The following CCDC6 variants were observed in gnomAD, a reference collection of about 807,000 sequenced individuals.
CCDC6 encodes coiled-coil domain containing 6.
A neutral mutation model predicts 56.6 loss-of-function variants in CCDC6; 20 were observed. The observed-to-expected ratio is 0.35, with a 90% CI of 0.25 to 0.51. CCDC6 has a LOEUF of 0.51. Among genes scored for constraint, CCDC6 ranks in the 20% least tolerant of loss-of-function variants. The probability of loss-of-function intolerance (pLI) is 0.95; values close to 1 mark genes in which losing one functional copy is unlikely to be tolerated. For synonymous variants in CCDC6, 241 were observed against 234.4 expected, an observed-to-expected ratio of 1.03 and a Z score of -0.26; for missense variants, 367 against 601.1, an observed-to-expected ratio of 0.61 and a Z score of 4.07.
chr10:59,820,970 G>A (rs1400219469), intron 3 of CCDC6, among the ~76,000 whole-genome samples: 1 of 151,190 alleles, frequency 6.6e-6, no homozygotes, highest in African/African-American at 2.4e-5. Flanking sequence ...CTAATGCTAT[G>A]TCTAAAGGCC....
Position 59,802,181 on chromosome 10 carries a change from A to G in CCDC6, c.1105+2239T>C, listed in dbSNP as rs138731639. ...TATATAATTCATAAAAGCAGTCCAA[A>G]TATAATAAAGATGATGCTCTTTCTT... On this transcript the variant is annotated intron_variant, in intron 7 of 8. Coordinates refer to ENST00000263102, the MANE Select transcript of CCDC6 (RefSeq NM_005436.5). 3.9e-4 allele frequency among the ~76,000 whole-genome samples: 59 copies of G among 152,328 alleles called. No homozygotes were observed. In the East Asian group the frequency reaches 0.011, roughly 27 times the overall value.
At chr10:59,847,345 G>A (rs1392637867) in intron 2 of CCDC6, among the ~76,000 whole-genome samples, 2 of 138,250 alleles carry the variant, frequency 1.4e-5, no homozygotes, top group Non-Finnish European at 3.1e-5. Context: ...GAGCCACCGC[G>A]CCAGGCCTAG....
Position 59,792,730 on chromosome 10 carries a change from T to C in CCDC6, c.*187A>G. 1.3e-6 allele frequency: 1 copy of C among 777,470 alleles called. No homozygotes were observed. The highest frequency in any genetic ancestry group is 1.7e-5 in the Admixed American group (1 of 58,972). 48.2% of individuals were successfully genotyped at this position (777,470 alleles called of 1,614,324 possible). On this transcript the variant is annotated 3_prime_UTR_variant, in exon 9 of 9. Transcript: ENST00000263102. Reference sequence around the variant, plus strand: ...ACACTGATGGAAAAAGTCGTCTGGTTAGTGTTGTAGACCCACAACACTGGC... The same window carrying C: ...ACACTGATGGAAAAAGTCGTCTGGTCAGTGTTGTAGACCCACAACACTGGC...
chr10:59,880,873 G>A lies in CCDC6; in HGVS notation c.303+25249C>T, dbSNP rs1277984441. 2.0e-5 allele frequency among the ~76,000 whole-genome samples: 3 copies of A among 152,168 alleles called. No homozygotes were observed. The South Asian group carries it at 6.2e-4, about 32-fold the overall frequency. ...TATTTAGCCTGGTGCACAGAGGATG[G>A]TGGTTCAAACCACTGATGTCCTGCT... On this transcript the variant is annotated intron_variant, in intron 1 of 8. Transcript: ENST00000263102.
chr10:59,839,197 A>G (rs2070914764), intron 2 of CCDC6, among the ~76,000 whole-genome samples: 1 of 152,236 alleles, frequency 6.6e-6, no homozygotes, highest in South Asian at 2.1e-4. Flanking sequence ...CGTAAAGGGT[A>G]AATCCAGGGT....
intron 1 of CCDC6, among the ~76,000 whole-genome samples, chr10:59,857,497 G>A (rs999775479): frequency 2.0e-5 from 3 of 152,154 alleles, no homozygotes; most frequent in Admixed American, 2.0e-4. Context: ...AACCACTGAA[G>A]AGAAAATCCA....
At position 59,835,358 on chromosome 10, in the gene CCDC6, C is replaced by G. The variant is rs540877887; in HGVS notation, c.454-2705G>C. 8.0e-4 allele frequency among the ~76,000 whole-genome samples: 122 copies of G among 152,322 alleles called. 1 individual carries two copies. Among genetic ancestry groups the G allele is most frequent in the African/African-American group, 2.8e-3 (115 of 41,584 alleles). ...TTGCAGGAAAATATCCATATTTAGA[C>G]AGATGGTCTAACACTGTCAGTAGCT... On this transcript the variant is annotated intron_variant, in intron 2 of 8. Transcript: ENST00000263102.
chr10:59,904,347 G>T (rs1164571071), intron 1 of CCDC6, among the ~76,000 whole-genome samples: 1 of 152,142 alleles, frequency 6.6e-6, no homozygotes, highest in Non-Finnish European at 1.5e-5. Context: ...GTTATAATAC[G>T]GTCTAAGTGT....
intron 6 of CCDC6, among the ~76,000 whole-genome samples, chr10:59,806,095 G>A (rs1279697972): frequency 6.6e-6 from 1 of 152,102 alleles, no homozygotes; most frequent in Non-Finnish European, 1.5e-5. Flanking sequence ...CCCATGTAAC[G>A]CCAGGGCATC....
intron 3 of CCDC6, among the ~76,000 whole-genome samples, chr10:59,823,315 C>T (rs1459621572): frequency 1.3e-5 from 2 of 152,162 alleles, no homozygotes; most frequent in Admixed American, 6.5e-5. Context: ...TAAAAGAGTA[C>T]AGTAACACAC....
intron 7 of CCDC6, among the ~76,000 whole-genome samples, chr10:59,800,055 T>C (rs2070559539): frequency 6.6e-6 from 1 of 152,252 alleles, no homozygotes; most frequent in African/African-American, 2.4e-5. Flanking sequence ...TTACCTTGGG[T>C]TTATAAAAAT....
intron 1 of CCDC6, among the ~76,000 whole-genome samples, chr10:59,869,419 A>AAC (rs2071207789): frequency 4.7e-5 from 3 of 64,390 alleles, no homozygotes; most frequent in African/African-American, 1.2e-4. Flanking sequence ...AAAAAAAAAA[A>AAC]CAGAAAAAAG....
chr10:59,875,453 G>T (rs543559165), intron 1 of CCDC6, among the ~76,000 whole-genome samples: 2 of 152,276 alleles, frequency 1.3e-5, no homozygotes, highest in South Asian at 4.1e-4. Context: ...GGACACAGAA[G>T]TTCAAAGGTT....
chr10:59,814,540 G>A lies in CCDC6; in HGVS notation c.686+112C>T, dbSNP rs997115333. The A allele has an allele frequency of 1.7e-5, 11 of 655,690 alleles. No homozygotes were observed. In the South Asian group the frequency reaches 2.2e-4, roughly 13 times the overall value. The allele number at this position is 655,690 out of a possible 1,614,324, so 40.6% of individuals were successfully genotyped here. Reference sequence around the variant, plus strand: ...TTTTCCTTTGGCCAATTAAAATGATGTGCATCACCAAAGAATTAAGGTGTC... The same window carrying A: ...TTTTCCTTTGGCCAATTAAAATGATATGCATCACCAAAGAATTAAGGTGTC... On this transcript the variant is annotated intron_variant, in intron 4 of 8. Transcript: ENST00000263102.
At chr10:59,808,627 A>G (rs1274749045) in intron 5 of CCDC6, among the ~76,000 whole-genome samples, 2 of 152,254 alleles carry the variant, frequency 1.3e-5, no homozygotes, top group African/African-American at 4.8e-5. Context: ...GAGCACGTCT[A>G]AGAGAGTTTC....
chr10:59,820,816 CT>C (rs1209016660), intron 3 of CCDC6, among the ~76,000 whole-genome samples: 2 of 149,368 alleles, frequency 1.3e-5, no homozygotes, highest in Non-Finnish European at 3.0e-5. Context: ...TAGCAGAATA[CT>C]TTAACAGCCA....
intron 1 of CCDC6, among the ~76,000 whole-genome samples, chr10:59,902,588 G>A (rs1182248828): frequency 6.6e-6 from 1 of 151,796 alleles, no homozygotes; most frequent in Non-Finnish European, 1.5e-5. Context: ...CAGTAGAGAT[G>A]GGGTTTCACC....
intron 2 of CCDC6, among the ~76,000 whole-genome samples, chr10:59,837,544 G>C (rs2070893314): frequency 6.6e-6 from 1 of 152,068 alleles, no homozygotes; most frequent in Admixed American, 6.5e-5. Flanking sequence ...AGGAGTTTGA[G>C]TCCAGCCTGG....
intron 1 of CCDC6, among the ~76,000 whole-genome samples, chr10:59,863,296 G>A (rs1488114305): frequency 1.3e-5 from 2 of 152,146 alleles, no homozygotes; most frequent in African/African-American, 2.4e-5. Context: ...ACTTACACGT[G>A]TTATATGGTC....
Sources: allele counts gnomAD v4.1 joint callset (sites outside exome capture counted in the v4.1 genomes callset), GRCh38; gene constraint gnomAD v4.1.1; transcripts MANE v1.5; gene names NCBI Gene and HGNC (gene_info 2026-07-23, HGNC 2026-07-21).